RFXANK: variants seen among roughly 807,000 people sequenced by gnomAD.
RFXANK encodes regulatory factor X associated ankyrin containing protein.
Under a neutral mutation model 34.5 loss-of-function variants are expected in RFXANK, and 19 were observed. The ratio of observed to expected loss-of-function variants is 0.55; its 90% CI spans 0.38 to 0.81. RFXANK has a LOEUF of 0.81. Among genes scored for constraint, RFXANK ranks in the 30% least tolerant of loss-of-function variants. The pLI, the probability that RFXANK is intolerant of heterozygous loss-of-function variation, is 0.00. For synonymous variants in RFXANK, 154 were observed against 149.8 expected, an observed-to-expected ratio of 1.03 and a Z score of -0.20; for missense variants, 295 against 343.5, an observed-to-expected ratio of 0.86 and a Z score of 1.12.
At chr19:19,196,314 CT>C (rs1163465820) in intron 3 of RFXANK, among the ~76,000 whole-genome samples, 4 of 152,030 alleles carry the variant, frequency 2.6e-5, no homozygotes, top group Non-Finnish European at 5.9e-5. Context: ...AATCCCAGCA[CT>C]TTGGGAGGCC....
chr19:19,196,037 C>T (rs1024608175), intron 3 of RFXANK, among the ~76,000 whole-genome samples: 2 of 152,112 alleles, frequency 1.3e-5, no homozygotes, highest in South Asian at 2.1e-4. Flanking sequence ...CCACTGTGCC[C>T]GGCCTTAAGT....
chr19:19,197,801 G>T, intron 6 of RFXANK, 180 bp downstream of exon 6: 1 of 670,618 alleles, frequency 1.5e-6, no homozygotes, highest in Non-Finnish European at 2.6e-6. Flanking sequence ...TTGAGGTCAG[G>T]AGTTCAAGAC....
At chr19:19,195,867 C>G (rs1014133414) in intron 3 of RFXANK, among the ~76,000 whole-genome samples, 3 of 151,620 alleles carry the variant, frequency 2.0e-5, no homozygotes, top group Admixed American at 6.6e-5. Flanking sequence ...CTCAGCCTCC[C>G]GAGTAGCTGG....
In RFXANK at chr19:19,196,994, C is replaced by G; in HGVS notation, c.219C>G (p.Leu73=). The change falls in exon 4 of 10, where the codon CTC becomes CTG. Residue 73 remains leucine (L), a synonymous_variant. Transcript: ENST00000303088. ...AGSSLKHSTT[L]TNRQRGNEVS... is the part of the protein sequence containing the mutation. ...GCTCCCTGAAGCACTCCACCACTCT[C>G]ACCAACCGGCAGCGAGGGAACGAGG... 3 of 1,613,190 alleles carry G rather than the reference C, an allele frequency of 1.9e-6. No individual in the cohort carries two copies. The highest frequency in any genetic ancestry group is 2.5e-6 in the Non-Finnish European group (3 of 1,180,012).
At position 19,193,630 on chromosome 19, in the gene RFXANK, G is replaced by C. The variant is rs534664895; in HGVS notation, c.-8-309G>C. ...GGGGTTTCACCATGGTGGCCAGCCT[G>C]GTCTCGAACTCCTGACCTCATGATC... On this transcript the variant is annotated intron_variant, in intron 2 of 9. Coordinates refer to ENST00000303088, the MANE Select transcript of RFXANK (RefSeq NM_003721.4). Among the ~76,000 whole-genome samples the C allele has an allele frequency of 6.4e-4, 97 of 152,118 alleles. 2 individuals are homozygous for C. In the South Asian group the frequency reaches 0.02, roughly 31 times the overall value.
chr19:19,201,362 G>T, intron 9 of RFXANK: 1 of 1,043,632 alleles, frequency 9.6e-7, no homozygotes, highest in Non-Finnish European at 1.4e-6. Context: ...ATAGGTGTGA[G>T]CCACCATGCC....
In RFXANK at chr19:19,197,968, C is replaced by T. The variant is rs547120628; in HGVS notation, c.439-139C>T. On this transcript the variant is annotated intron_variant, in intron 6 of 9. Coordinates refer to ENST00000303088, the MANE Select transcript of RFXANK (RefSeq NM_003721.4). ...CGGAGGTAGCAGTGAGCCGAGATTG[C>T]GCCACTGCACTCCAGCCTGGGCAAC... 68 of 1,167,014 alleles carry T rather than the reference C, an allele frequency of 5.8e-5. 1 individual carries two copies. The highest frequency in any genetic ancestry group is 2.4e-4 in the African/African-American group (16 of 65,324). 72.3% of individuals were successfully genotyped at this position (1,167,014 alleles called of 1,614,324 possible).
chr19:19,199,125 C>T, intron 8 of RFXANK, 29 bp from the exon 9 acceptor site: 1 of 1,608,418 alleles, frequency 6.2e-7, no homozygotes, highest in Non-Finnish European at 8.5e-7. Context: ...CAGGCCCCAC[C>T]CTCCAGCGCC....
intron 3 of RFXANK, 105 bp downstream of exon 3, chr19:19,194,238 T>C: frequency 7.7e-7 from 1 of 1,290,658 alleles, no homozygotes; most frequent in Non-Finnish European, 1.1e-6. Context: ...TTGTTTTGTT[T>C]TGTTGTTTTT....
At position 19,201,800 on chromosome 19, in the gene RFXANK, G is replaced by A. The variant is rs2060724371; in HGVS notation, c.*81G>A. On this transcript the variant is annotated 3_prime_UTR_variant, in exon 10 of 10. Transcript: ENST00000303088. The stretch of plus-strand genomic sequence containing the variant: ...GGGAAACCCAGAACTGACTTCAAAG[G>A]CAGCTTCTGGACAGGTGGTGGGAGG... The A allele has an allele frequency of 6.2e-7, 1 of 1,612,992 alleles. No homozygotes were observed. The highest frequency in any genetic ancestry group is 1.3e-5 in the African/African-American group (1 of 75,046).
chr19:19,198,069 C>G (rs1377223611), intron 6 of RFXANK, 38 bp from the exon 7 acceptor site: 1 of 1,612,362 alleles, frequency 6.2e-7, no homozygotes, highest in African/African-American at 1.3e-5. Flanking sequence ...TGGTTATGCC[C>G]CAATCCATCC....
Position 19,197,021 on chromosome 19 carries a change from G to A in RFXANK, c.246G>A (p.Val82=). The A allele has an allele frequency of 6.2e-7, 1 of 1,613,610 alleles. No individual in the cohort carries two copies. The highest frequency in any genetic ancestry group is 8.5e-7 in the Non-Finnish European group (1 of 1,180,030). ...TLTNRQRGNE[V]SALPATLDSL... ...CCAACCGGCAGCGAGGGAACGAGGT[G>A]TCAGCTCTGCCGGCCACCCTAGACT... is the stretch of plus-strand genomic sequence containing the variant. Residue 82 remains valine, a synonymous_variant, in exon 4 of 10, where the codon GTG becomes GTA. Coordinates refer to ENST00000303088, the MANE Select transcript of RFXANK (RefSeq NM_003721.4).
chr19:19,199,316 C>A, intron 9 of RFXANK, 82 bp downstream of exon 9: 2 of 1,299,678 alleles, frequency 1.5e-6, no homozygotes, highest in Admixed American at 1.7e-5. Flanking sequence ...GACACCCCTT[C>A]AGTGGTCATA....
chr19:19,195,044 T>C (rs934891471), intron 3 of RFXANK, among the ~76,000 whole-genome samples: 10 of 147,902 alleles, frequency 6.8e-5, no homozygotes, highest in South Asian at 2.2e-4. Context: ...TCCGTTTTTT[T>C]TTTCTTTCTT....
chr19:19,198,179 G>C lies in RFXANK; in HGVS notation c.511G>C (p.Asp171His). Residue 171 changes from aspartate to histidine, a missense_variant, in exon 7 of 10, where the codon GAC becomes CAC. Asp to His is a moderately conservative substitution (Grantham distance 81). Coordinates refer to ENST00000303088, the MANE Select transcript of RFXANK (RefSeq NM_003721.4). ...GCTGGCCAGCACAGGCGGCTACACA[G>C]ACATTGTGGGGCTGCTGCTGGAGCG... Reference protein sequence around the residue: ...LSLASTGGYTDIVGLLLERDV... With the variant: ...LSLASTGGYTHIVGLLLERDV... The C allele has an allele frequency of 1.2e-6, 2 of 1,614,184 alleles. No homozygotes were observed. Among genetic ancestry groups the C allele is most frequent in the South Asian group, 1.1e-5 (1 of 91,070 alleles).
At position 19,201,702 on chromosome 19, in the gene RFXANK, C is replaced by G; in HGVS notation, c.766C>G (p.Pro256Ala). ...ILKLFQSNLV[P>A]ADPE ...CAAGCTCTTCCAGAGCAACCTGGTG[C>G]CCGCTGACCCTGAGTGAAGGCCGCC... Residue 256 changes from proline (P) to alanine (A), a missense_variant, in exon 10 of 10, where the codon CCC (proline) becomes GCC (alanine). Transcript: ENST00000303088. The G allele has an allele frequency of 6.2e-7, 1 of 1,614,092 alleles. No individual in the cohort carries two copies. The highest frequency in any genetic ancestry group is 8.5e-7 in the Non-Finnish European group (1 of 1,180,022).
In RFXANK at chr19:19,199,238, A is replaced by G. The variant is rs73922830; in HGVS notation, c.712+4A>G. 8,767 of 1,614,024 alleles carry G rather than the reference A, an allele frequency of 5.4e-3. 406 individuals are homozygous for G. The African/African-American group carries it at 0.1, about 19-fold the overall frequency. Reference sequence around the variant, plus strand: ...GTGGCCCTGGGATACCGGAAAGGTCAGCCTGAGACACACAGAGCAGGGGTG... The same window carrying G: ...GTGGCCCTGGGATACCGGAAAGGTCGGCCTGAGACACACAGAGCAGGGGTG... On this transcript the variant is annotated splice_donor_region_variant and intron_variant, in intron 9 of 9. Coordinates refer to ENST00000303088, the MANE Select transcript of RFXANK (RefSeq NM_003721.4).
intron 9 of RFXANK, among the ~76,000 whole-genome samples, chr19:19,199,473 A>G (rs2060660624): frequency 1.3e-5 from 2 of 152,166 alleles, no homozygotes; most frequent in South Asian, 4.1e-4. Context: ...TGGGGGACAC[A>G]TAGGCATGAG....
At chr19:19,201,289 G>T in intron 9 of RFXANK, 1 of 622,024 alleles carries the variant, frequency 1.6e-6, no homozygotes, top group Non-Finnish European at 2.8e-6. Flanking sequence ...TGTTGCCCAA[G>T]CTGGCCTCAA....
Sources: gnomAD v4.1 joint callset for allele counts (sites outside exome capture counted in the v4.1 genomes callset) on GRCh38, gnomAD v4.1.1 for gene constraint, MANE v1.5 for transcripts, NCBI Gene and HGNC (gene_info 2026-07-23, HGNC 2026-07-21) for gene names.